MAK: variants seen among roughly 807,000 people sequenced by gnomAD.
MAK encodes the protein serine/threonine-protein kinase MAK.
MAK carries 65 observed loss-of-function variants against 82.6 expected under a neutral mutation model. The ratio of observed to expected loss-of-function variants is 0.79; its 90% CI spans 0.64 to 0.97. The LOEUF (loss-of-function observed/expected upper bound fraction) is 0.97. Ranked by LOEUF, MAK falls within the 50% of genes least tolerant of loss-of-function variation. The pLI is 0.00. For missense variants in MAK, 703 were observed against 780.2 expected (o/e 0.90, Z 1.18); for synonymous variants, 250 against 274.2 (o/e 0.91, Z 0.87).
At chr6:10,778,796 T>C (rs1303563250) in intron 11 of MAK, among the ~76,000 whole-genome samples, 1 of 151,802 alleles carries the variant, frequency 6.6e-6, no homozygotes, top group Non-Finnish European at 1.5e-5. Flanking sequence ...TGGTGAATAA[T>C]GAATGGGAAG....
intron 10 of MAK, among the ~76,000 whole-genome samples, chr6:10,790,729 C>G (rs1390212890): frequency 6.6e-6 from 1 of 152,204 alleles, no homozygotes; most frequent in African/African-American, 2.4e-5. Flanking sequence ...AAAAATGGAA[C>G]AAGATCCCCT....
chr6:10,830,645 T>C lies in MAK; in HGVS notation c.4A>G (p.Asn2Asp). The C allele has an allele frequency of 6.2e-7, 1 of 1,612,590 alleles. No homozygotes were observed. Among genetic ancestry groups the C allele is most frequent in the East Asian group, 2.2e-5 (1 of 44,882 alleles). Residue 2 changes from asparagine (N) to aspartate (D), a missense_variant, in exon 2 of 15, where the codon AAC becomes GAC. Physicochemically the swap from Asn to Asp is conservative, Grantham distance 23 (BLOSUM62 1). Coordinates refer to ENST00000354489, the MANE Select transcript of MAK (RefSeq NM_001242957.3). ...AACTGTCTCATGGTTGTGTATCGGT[T>C]CATCTTGGAAAAATAATGCAGCAGA... Reference protein sequence around the residue: MNRYTTMRQLGD... With the variant: MDRYTTMRQLGD...
At chr6:10,792,162 T>C (rs934989313) in intron 9 of MAK, among the ~76,000 whole-genome samples, 1 of 152,136 alleles carries the variant, frequency 6.6e-6, no homozygotes, top group Non-Finnish European at 1.5e-5. Flanking sequence ...TTTGGGCAAG[T>C]GACTTAACTT....
chr6:10,804,037 A>G (rs1298281677), intron 6 of MAK, 146 bp from the exon 7 acceptor site: 5 of 716,662 alleles, frequency 7.0e-6, no homozygotes, highest in East Asian at 5.4e-5. Context: ...GCATTTGTAC[A>G]ATGTTCTGGG....
At chr6:10,784,376 C>A in intron 11 of MAK, 48 bp downstream of exon 11, 1 of 1,602,048 alleles carries the variant, frequency 6.2e-7, no homozygotes, top group Non-Finnish European at 8.6e-7. Context: ...TTGAACCTGA[C>A]CTATCTATAC....
At position 10,818,900 on chromosome 6, in the gene MAK, A is replaced by C; in HGVS notation, c.142T>G (p.Leu48Val). ...KFYSWDECMNLREVKSLKKLN... is the reference protein window; with the variant it reads ...KFYSWDECMNVREVKSLKKLN... Reference sequence around the variant, plus strand: ...TAGGATTTTACCTTAACTTCTCTCAAGTTCATGCATTCATCCCAAGAATAG... The same window carrying C: ...TAGGATTTTACCTTAACTTCTCTCACGTTCATGCATTCATCCCAAGAATAG... Residue 48 changes from leucine (L) to valine (V), a missense_variant, in exon 3 of 15, where the codon TTG becomes GTG. Physicochemically the swap from Leu to Val is conservative, Grantham distance 32. Coordinates refer to ENST00000354489, the MANE Select transcript of MAK (RefSeq NM_001242957.3). The C allele has an allele frequency of 6.3e-7, 1 of 1,589,078 alleles. No homozygotes were observed. The highest frequency in any genetic ancestry group is 8.6e-7 in the Non-Finnish European group (1 of 1,157,972).
At chr6:10,831,256 C>A (rs1339106780) in intron 1 of MAK, among the ~76,000 whole-genome samples, 1 of 152,044 alleles carries the variant, frequency 6.6e-6, no homozygotes, top group Non-Finnish European at 1.5e-5. Context: ...TAAAACTGTA[C>A]TACTTGTAAA....
chr6:10,787,617 G>A (rs746653146), intron 10 of MAK, among the ~76,000 whole-genome samples: 2 of 152,152 alleles, frequency 1.3e-5, no homozygotes, highest in Non-Finnish European at 2.9e-5. Flanking sequence ...CCAGCACTTT[G>A]GGAGGCTGAG....
intron 13 of MAK, among the ~76,000 whole-genome samples, chr6:10,770,511 G>A (rs997875921): frequency 6.6e-6 from 1 of 151,992 alleles, no homozygotes; most frequent in Non-Finnish European, 1.5e-5. Context: ...CAAGGCCCAG[G>A]GGTGTTCAGT....
chr6:10,799,848 G>C (rs951295919), intron 8 of MAK, among the ~76,000 whole-genome samples: 2 of 151,936 alleles, frequency 1.3e-5, no homozygotes, highest in Admixed American at 6.6e-5. Flanking sequence ...AGGAGTTCAA[G>C]ATCAGCCTGA....
intron 14 of MAK, 179 bp downstream of exon 14, chr6:10,769,932 C>T: frequency 8.6e-7 from 1 of 1,161,762 alleles, no homozygotes; most frequent in Non-Finnish European, 1.2e-6. Flanking sequence ...ATTATTAGAC[C>T]CTCAAATCCT....
intron 2 of MAK, among the ~76,000 whole-genome samples, chr6:10,824,650 C>T (rs575176665): frequency 1.3e-5 from 2 of 152,072 alleles, no homozygotes; most frequent in South Asian, 4.1e-4. Flanking sequence ...ATGCTCCCAG[C>T]GGCTCCACTT....
At chr6:10,813,477 C>T (rs80248425) in intron 5 of MAK, among the ~76,000 whole-genome samples, 167 bp downstream of exon 5, 3,669 of 151,650 alleles carry the variant, frequency 0.024, 132 homozygotes, top group African/African-American at 0.085. Flanking sequence ...TATACAGAAT[C>T]ACAGAAATTG....
At chr6:10,784,013 T>C (rs1230094152) in intron 11 of MAK, among the ~76,000 whole-genome samples, 2 of 151,952 alleles carry the variant, frequency 1.3e-5, no homozygotes, top group African/African-American at 2.4e-5. Context: ...AGCGAGAATC[T>C]GTCTCAAAAA....
chr6:10,775,245 T>C, intron 12 of MAK, 83 bp downstream of exon 12: 2 of 1,505,808 alleles, frequency 1.3e-6, no homozygotes, highest in Non-Finnish European at 1.8e-6. Context: ...TGTATCTTGG[T>C]TGGAAGAGCA....
intron 11 of MAK, chr6:10,779,526 TC>T: frequency 1.0e-6 from 1 of 977,220 alleles, no homozygotes. Context: ...TTTCTAGAGC[TC>T]CCAGAATCCT....
At chr6:10,802,404 C>T (rs1279665458) in intron 7 of MAK, 3 of 228,264 alleles carry the variant, frequency 1.3e-5, no homozygotes, top group Non-Finnish European at 2.6e-5. Flanking sequence ...CTCCCGGGCT[C>T]AAAAGATCCT....
Position 10,784,530 on chromosome 6 carries a change from C to A in MAK, c.1359G>T (p.Gly453=). 1 of 1,614,158 alleles carries A rather than the reference C, an allele frequency of 6.2e-7. No individual in the cohort carries two copies. Among genetic ancestry groups the A allele is most frequent in the South Asian group, 1.1e-5 (1 of 91,084 alleles). The change falls in exon 11 of 15, where the codon GGG becomes GGT. Residue 453 remains glycine, a synonymous_variant. Transcript: ENST00000354489. ...PVPSGSNHST[G]ENKSLPAVTS... ...TAACAGCAGGTAAGCTCTTGTTTTC[C>A]CCTGTCGAGTGGTTGGAGCCTGAGG...
intron 10 of MAK, among the ~76,000 whole-genome samples, chr6:10,787,261 C>T (rs1774646027): frequency 6.6e-6 from 1 of 152,246 alleles, no homozygotes; most frequent in East Asian, 1.9e-4. Context: ...ACCAATTCAC[C>T]AATTCAGCTC....
Sources: allele counts gnomAD v4.1 joint callset (sites outside exome capture counted in the v4.1 genomes callset), GRCh38; gene constraint gnomAD v4.1.1; transcripts MANE v1.5; gene names NCBI Gene and HGNC (gene_info 2026-07-23, HGNC 2026-07-21).